Variants in SLC9C2 observed in about 807,000 individuals in gnomAD.
SLC9C2 encodes the protein solute carrier family 9 member C2 (putative).
SLC9C2 carries 75 observed loss-of-function variants against 140.2 expected under a neutral mutation model. That is an observed-to-expected ratio of 0.53 (90% CI 0.44 to 0.65). SLC9C2 has a LOEUF of 0.65. Ranked by LOEUF, SLC9C2 falls within the 30% of genes least tolerant of loss-of-function variation. SLC9C2 has a pLI of 0.00. For synonymous variants in SLC9C2, 375 were observed against 420.9 expected, an observed-to-expected ratio of 0.89 and a Z score of 1.34; for missense variants, 1,074 against 1,331.8, an observed-to-expected ratio of 0.81 and a Z score of 3.01.
chr1:173,531,329 T>C (rs1053221018), intron 17 of SLC9C2, among the ~76,000 whole-genome samples: 11 of 152,194 alleles, frequency 7.2e-5, no homozygotes, highest in Non-Finnish European at 1.3e-4. Flanking sequence ...ATTTGGTTTT[T>C]GTAAAGTCCC....
intron 23 of SLC9C2, among the ~76,000 whole-genome samples, chr1:173,511,604 G>T (rs1660061753): frequency 6.6e-6 from 1 of 152,096 alleles, no homozygotes. Context: ...CATTCTGTAG[G>T]CTGCCTGTTC....
At chr1:173,567,087 A>G (rs1415330380) in intron 9 of SLC9C2, among the ~76,000 whole-genome samples, 1 of 152,132 alleles carries the variant, frequency 6.6e-6, no homozygotes, top group Non-Finnish European at 1.5e-5. Context: ...ATGATCTAAC[A>G]TATGGTCTGT....
intron 9 of SLC9C2, among the ~76,000 whole-genome samples, chr1:173,565,608 T>A (rs1367434948): frequency 6.6e-6 from 1 of 152,270 alleles, no homozygotes; most frequent in Non-Finnish European, 1.5e-5. Context: ...TTCATTACTA[T>A]AGCTCTGCAG....
At chr1:173,563,847 T>A (rs1472725951) in intron 9 of SLC9C2, among the ~76,000 whole-genome samples, 1 of 152,082 alleles carries the variant, frequency 6.6e-6, no homozygotes, top group Non-Finnish European at 1.5e-5. Flanking sequence ...TCCCCCCTTA[T>A]CCCCCTACTA....
Position 173,506,934 on chromosome 1 carries a change from A to T in SLC9C2, c.3147T>A (p.Ile1049=). Residue 1049 remains isoleucine (I), a synonymous_variant, in exon 25 of 28, where the codon ATT becomes ATA. Coordinates refer to ENST00000367714, the MANE Select transcript of SLC9C2 (RefSeq NM_178527.4). ...TAGTATCAATTACACTGCCATACAC[A>T]ATGATAACAAATTTCATGGTCATAT... ...IDNMTMKFVI[I]VYGSVIDTKT... 1 of 1,613,666 alleles carries T rather than the reference A, an allele frequency of 6.2e-7. No homozygotes were observed. Among genetic ancestry groups the T allele is most frequent in the Non-Finnish European group, 8.5e-7 (1 of 1,179,850 alleles).
At chr1:173,556,561 G>A (rs1046166396) in intron 10 of SLC9C2, among the ~76,000 whole-genome samples, 2 of 151,962 alleles carry the variant, frequency 1.3e-5, no homozygotes, top group Non-Finnish European at 2.9e-5. Context: ...AGAACTATAA[G>A]GATTAGAATG....
rs564574242 is a variant in SLC9C2 at position 173,567,811 on chromosome 1, CT to C, written c.1046+5370del. ...ATGATTTAATTTCTTGCTTTTAATTCTTTGTGTATCTGTTGTATTTTTTAAT... is the reference window on the plus strand; with the variant it reads ...ATGATTTAATTTCTTGCTTTTAATTCTTGTGTATCTGTTGTATTTTTTAAT... On this transcript the variant is annotated intron_variant, in intron 9 of 27. Transcript: ENST00000367714. Among the ~76,000 whole-genome samples, 337 of 151,908 alleles carry C rather than the reference CT, an allele frequency of 2.2e-3. 4 individuals are homozygous for C. The highest frequency in any genetic ancestry group is 7.8e-3 in the African/African-American group (325 of 41,448).
At chr1:173,584,775 G>A (rs191412265) in intron 5 of SLC9C2, among the ~76,000 whole-genome samples, 2 of 151,388 alleles carry the variant, frequency 1.3e-5, no homozygotes, top group African/African-American at 2.4e-5. Context: ...CTTTTCTTTC[G>A]GGGACTCATA....
At chr1:173,581,631 C>A (rs942435545) in intron 7 of SLC9C2, among the ~76,000 whole-genome samples, 1 of 151,636 alleles carries the variant, frequency 6.6e-6, no homozygotes, top group African/African-American at 2.4e-5. Context: ...AGAGAGTAAC[C>A]ACAGAGAACA....
chr1:173,565,482 C>T (rs896222495), intron 9 of SLC9C2, among the ~76,000 whole-genome samples: 1 of 152,126 alleles, frequency 6.6e-6, no homozygotes, highest in Admixed American at 6.5e-5. Flanking sequence ...CTCCAATATA[C>T]GTTCTTGTCA....
intron 20 of SLC9C2, 87 bp downstream of exon 20, chr1:173,524,691 CA>C (rs906623735): frequency 6.8e-7 from 1 of 1,460,236 alleles, no homozygotes; most frequent in African/African-American, 1.5e-5. Context: ...TGTGGTTAAA[CA>C]ATTTTTTCAA....
intron 13 of SLC9C2, among the ~76,000 whole-genome samples, chr1:173,544,146 A>T (rs1341220667): frequency 1.3e-5 from 2 of 152,228 alleles, no homozygotes; most frequent in African/African-American, 4.8e-5. Context: ...CAAAGAACTT[A>T]AACAAATTTA....
intron 18 of SLC9C2, among the ~76,000 whole-genome samples, chr1:173,528,541 C>T (rs1661363854): frequency 6.6e-6 from 1 of 152,176 alleles, no homozygotes; most frequent in African/African-American, 2.4e-5. Flanking sequence ...AGCAACAGGA[C>T]AGAATTCTGT....
At chr1:173,507,915 G>A (rs139662825) in intron 24 of SLC9C2, among the ~76,000 whole-genome samples, 65 of 152,208 alleles carry the variant, frequency 4.3e-4, no homozygotes, top group African/African-American at 1.4e-3. Flanking sequence ...TTACAGCCGT[G>A]CTTGCAAACT....
chr1:173,596,098 G>A (rs539191305), intron 4 of SLC9C2, among the ~76,000 whole-genome samples: 49 of 152,160 alleles, frequency 3.2e-4, no homozygotes, highest in African/African-American at 1.0e-3. Flanking sequence ...CTTCCTTGTT[G>A]TGCCTATCGA....
In SLC9C2 at chr1:173,547,765, T is replaced by C. The variant is rs753947903; in HGVS notation, c.1481A>G (p.Asn494Ser). ...TGTTGTGGATTCTGTCTTCATATCA[T>C]TATGTGAAACGTGGGAAAACTGAAC... is the stretch of plus-strand genomic sequence containing the variant. The part of the protein sequence containing the change: ...EYIPFSHVSH[N>S]DMKTESTTDE... The change falls in exon 13 of 28, where the codon AAT becomes AGT. Residue 494 changes from asparagine (N) to serine (S), a missense_variant. By Grantham distance (46) the Asn-to-Ser change is conservative. Transcript: ENST00000367714. The C allele has an allele frequency of 6.2e-7, 1 of 1,610,744 alleles. No homozygotes were observed. The highest frequency in any genetic ancestry group is 8.5e-7 in the Non-Finnish European group (1 of 1,177,628).
chr1:173,547,955 A>G (rs1032128037), intron 12 of SLC9C2, among the ~76,000 whole-genome samples, 171 bp from the exon 13 acceptor site: 1 of 152,248 alleles, frequency 6.6e-6, no homozygotes, highest in Non-Finnish European at 1.5e-5. Context: ...TGTTGCCTTC[A>G]ATTGTGCTAA....
In SLC9C2 at chr1:173,560,125, A is replaced by G. The variant is rs77864258; in HGVS notation, c.1047-2617T>C. On this transcript the variant is annotated intron_variant, in intron 9 of 27. Transcript: ENST00000367714. The stretch of plus-strand genomic sequence containing the variant: ...AAAATATTCAGAAATCAGGAGCTAC[A>G]TATAAACTCTTTATTTTGGAATTTC... Among the ~76,000 whole-genome samples, 477 of 152,378 alleles carry G rather than the reference A, an allele frequency of 3.1e-3. 19 individuals carry two copies. The East Asian group carries it at 0.072, about 23-fold the overall frequency.
intron 17 of SLC9C2, among the ~76,000 whole-genome samples, chr1:173,531,279 G>C (rs1252956187): frequency 6.6e-6 from 1 of 152,172 alleles, no homozygotes; most frequent in Admixed American, 6.5e-5. Context: ...AGACAGAAGG[G>C]ATGACTAGTT....
Sources: gnomAD v4.1 joint callset for allele counts (sites outside exome capture counted in the v4.1 genomes callset) on GRCh38, gnomAD v4.1.1 for gene constraint, MANE v1.5 for transcripts, NCBI Gene and HGNC (gene_info 2026-07-23, HGNC 2026-07-21) for gene names.